DNAH5: variants seen among roughly 807,000 people sequenced by gnomAD.
The protein encoded by DNAH5 is dynein axonemal heavy chain 5.
A neutral mutation model predicts 518.2 loss-of-function variants in DNAH5; 372 were observed. The observed-to-expected ratio is 0.72, with a 90% CI of 0.66 to 0.78. The LOEUF is 0.78. DNAH5 is among the 30% of genes least tolerant of loss of function. DNAH5 has a pLI of 0.00. For missense variants in DNAH5, 5,523 were observed against 5,687.0 expected, an observed-to-expected ratio of 0.97 and a Z score of 0.93; for synonymous variants, 2,039 against 2,025.9, an observed-to-expected ratio of 1.01 and a Z score of -0.17.
chr5:13,703,035 C>T (rs866886006), intron 76 of DNAH5, among the ~76,000 whole-genome samples: 1 of 152,152 alleles, frequency 6.6e-6, no homozygotes, highest in Non-Finnish European at 1.5e-5. Flanking sequence ...CCTCCCAAGC[C>T]TTTCCACTCT....
At chr5:13,840,011 A>T (rs979084487) in intron 34 of DNAH5, among the ~76,000 whole-genome samples, 2 of 152,230 alleles carry the variant, frequency 1.3e-5, no homozygotes, top group Non-Finnish European at 2.9e-5. Flanking sequence ...AAAATTTCTA[A>T]CATCTAAATG....
rs1301002287 is a variant in DNAH5 at position 13,753,485 on chromosome 5, A to T, written c.10620T>A (p.Asp3540Glu). 1 of 1,614,096 alleles carries T rather than the reference A, an allele frequency of 6.2e-7. No individual in the cohort carries two copies. The highest frequency in any genetic ancestry group is 2.2e-5 in the East Asian group (1 of 44,872). Residue 3540 changes from aspartate (D) to glutamate (E), a missense_variant, in exon 63 of 79, where the codon GAT (aspartate) becomes GAA (glutamate). This residue lies in a region of DNAH5 where 5,121 missense variants were observed against 5,223.3 expected (regional missense o/e 0.98). Transcript: ENST00000265104. ...YSGPFNQEFR[D>E]LLLNDWRKEM... The stretch of plus-strand genomic sequence containing the variant: ...CCTTCCGCCAGTCATTTAACAGAAG[A>T]TCACGAAACTCTTGGTTAAATGGAC...
rs1034309436 is a variant in DNAH5 at position 13,788,616 on chromosome 5, T to C, written c.8647+100A>G. On this transcript the variant is annotated intron_variant, in intron 51 of 78. Coordinates refer to ENST00000265104, the MANE Select transcript of DNAH5 (RefSeq NM_001369.3). ...TCAGGCTTGTATCAATAAAGTTTACTAGAAAGAAACTCAACATCCATAAAC... is the reference window on the plus strand; with the variant it reads ...TCAGGCTTGTATCAATAAAGTTTACCAGAAAGAAACTCAACATCCATAAAC... 5 of 1,011,866 alleles carry C rather than the reference T, an allele frequency of 4.9e-6. No individual in the cohort carries two copies. The African/African-American group carries it at 7.9e-5, about 16-fold the overall frequency. The allele number at this position is 1,011,866 out of a possible 1,614,324, so 62.7% of individuals were successfully genotyped here. A position where few individuals can be genotyped will look rare whatever the true frequency, so the allele number is the denominator to read the frequency against.
chr5:13,778,539 G>GAAAGA (rs781056550), intron 53 of DNAH5, among the ~76,000 whole-genome samples: 5 of 73,910 alleles, frequency 6.8e-5, no homozygotes, highest in African/African-American at 1.6e-4. Flanking sequence ...GAGAGAGAGA[G>GAAAGA]AAGAAAGAAA....
At chr5:13,737,537 C>T (rs757443818) in intron 65 of DNAH5, 42 bp from the exon 66 acceptor site, 1 of 1,599,856 alleles carries the variant, frequency 6.3e-7, no homozygotes, top group South Asian at 1.1e-5. Flanking sequence ...CAATTAACAA[C>T]TCTTGTTGAG....
At chr5:13,841,936 A>AAAAAAAAAAAAAAAAAAAAAAAG in intron 32 of DNAH5, 32 bp from the exon 33 acceptor site, 1 of 1,072,908 alleles carries the variant, frequency 9.3e-7, no homozygotes, top group Non-Finnish European at 1.4e-6. Flanking sequence ...AAAAAAAAAA[A>AAAAAAAAAAAAAAAAAAAAAAAG]AGCTATAGTC....
rs1757360440 is a variant in DNAH5, at chr5:13,793,624, G to C, written c.8115C>G (p.Ala2705=). ...TSIVDIQFLA[A]MIHPGGGRND... is the part of the protein sequence containing the mutation. ...TGCGTCCACCACCAGGATGGATCAT[G>C]GCTGCCAAAAACTGGATGTCCACGA... The change falls in exon 49 of 79, where the codon GCC becomes GCG. Residue 2705 remains alanine (A), a synonymous_variant. Transcript: ENST00000265104. The C allele has an allele frequency of 1.2e-6, 2 of 1,614,012 alleles. No individual in the cohort carries two copies. Among genetic ancestry groups the C allele is most frequent in the Non-Finnish European group, 1.7e-6 (2 of 1,180,030 alleles).
chr5:13,708,266 T>G lies in DNAH5; in HGVS notation c.13195A>C (p.Arg4399=). 1 of 1,614,152 alleles carries G rather than the reference T, an allele frequency of 6.2e-7. No individual in the cohort carries two copies. The highest frequency in any genetic ancestry group is 8.5e-7 in the Non-Finnish European group (1 of 1,179,976). ...ACAAGGCTGAGTACCCTTTGCATTCTGTCTATTTCCTGCCTGAGGAAAATG... is the reference window on the plus strand; with the variant it reads ...ACAAGGCTGAGTACCCTTTGCATTCGGTCTATTTCCTGCCTGAGGAAAATG... ...MNIFLRQEID[R]MQRVLSLVRS... is the part of the protein sequence containing the mutation. The change falls in exon 76 of 79, where the codon AGA becomes CGA. Residue 4399 remains arginine (R), a synonymous_variant. Transcript: ENST00000265104.
rs536102071 is a variant in DNAH5, at chr5:13,916,114, T to C, written c.1197+234A>G. ...GAGCAATCTTTTTTCATTTGTATTA[T>C]ATAAATAATAAAATATTTATTATAA... On this transcript the variant is annotated intron_variant, in intron 9 of 78. Transcript: ENST00000265104. Among the ~76,000 whole-genome samples the C allele has an allele frequency of 7.2e-5, 11 of 151,764 alleles. No individual in the cohort carries two copies. In the East Asian group the frequency reaches 2.1e-3, roughly 29 times the overall value.
intron 1 of DNAH5, among the ~76,000 whole-genome samples, chr5:13,954,520 T>C (rs1464161630): frequency 6.6e-6 from 1 of 152,172 alleles, no homozygotes. Flanking sequence ...GAAGGAAAAA[T>C]GTAAAAGCTT....
rs1221227195 is a variant in DNAH5, at chr5:13,830,758, G to A, written c.5900C>T (p.Ala1967Val). Reference sequence around the variant, plus strand: ...CCCCATGCTCATTCCCAGAGCTTGAGCCAGCGTGATGTAACATCTGCATGG... The same window carrying A: ...CCCCATGCTCATTCCCAGAGCTTGAACCAGCGTGATGTAACATCTGCATGG... Reference protein sequence around the residue: ...PLTDRCYITLAQALGMSMGGA... With the variant: ...PLTDRCYITLVQALGMSMGGA... The change falls in exon 36 of 79, where the codon GCT becomes GTT. Residue 1967 changes from alanine to valine, a missense_variant. By Grantham distance (64) the Ala-to-Val change is moderately conservative. This residue lies in a region of DNAH5 where 5,121 missense variants were observed against 5,223.3 expected (regional missense o/e 0.98). Coordinates refer to ENST00000265104, the MANE Select transcript of DNAH5 (RefSeq NM_001369.3). 6.2e-7 allele frequency: 1 copy of A among 1,614,160 alleles called. No homozygotes were observed. The highest frequency in any genetic ancestry group is 2.2e-5 in the East Asian group (1 of 44,888).
intron 2 of DNAH5, among the ~76,000 whole-genome samples, chr5:13,930,499 T>C (rs1003374878): frequency 1.3e-5 from 2 of 152,178 alleles, no homozygotes; most frequent in Non-Finnish European, 2.9e-5. Flanking sequence ...AATGTCTAAT[T>C]AGTTTCTTTA....
chr5:13,924,598 C>T lies in DNAH5; in HGVS notation c.278-1158G>A, dbSNP rs1054544330. ...GCTGAGGCAGGAGAATCGCTTGAAC[C>T]CAGGAGATGGAGGTTGTGGTCAGCC... On this transcript the variant is annotated intron_variant, in intron 3 of 78. Transcript: ENST00000265104. 2.0e-5 allele frequency among the ~76,000 whole-genome samples: 3 copies of T among 151,746 alleles called. No individual in the cohort carries two copies. In the South Asian group the frequency reaches 6.3e-4, roughly 32 times the overall value.
At chr5:13,830,898 T>C (rs974130872) in intron 35 of DNAH5, 123 bp from the exon 36 acceptor site, 25 of 887,170 alleles carry the variant, frequency 2.8e-5, no homozygotes, top group Non-Finnish European at 4.2e-5. Flanking sequence ...CTACCTAACA[T>C]TTCGAATACA....
chr5:13,841,918 C>CAAAAAAAAAAAAAAAAAAAGAAAAAAACA lies in DNAH5; in HGVS notation c.5272-15_5272-14insTGTTTTTTTCTTTTTTTTTTTTTTTTTTT. On this transcript the variant is annotated splice_polypyrimidine_tract_variant and intron_variant, in intron 32 of 78. Transcript: ENST00000265104. ...TCGATCATAGATCTATGTTAGAAAC[C>CAAAAAAAAAAAAAAAAAAAGAAAAAAACA]AAAAAAAAAAAAAAAAAAAGCTATA... The CAAAAAAAAAAAAAAAAAAAGAAAAAAACA allele has an allele frequency of 2.0e-6, 1 of 504,452 alleles. No individual in the cohort carries two copies. The highest frequency in any genetic ancestry group is 3.2e-6 in the Non-Finnish European group (1 of 316,362). 31.2% of individuals were successfully genotyped at this position (504,452 alleles called of 1,614,324 possible). A position where few individuals can be genotyped will look rare whatever the true frequency, so the allele number is the denominator to read the frequency against.
chr5:13,738,817 T>C (rs1237018399), intron 65 of DNAH5, among the ~76,000 whole-genome samples: 2 of 152,054 alleles, frequency 1.3e-5, no homozygotes, highest in Non-Finnish European at 2.9e-5. Flanking sequence ...TCTGTGATGC[T>C]AAAGAAAAGA....
chr5:13,932,592 A>G (rs1778528372), intron 1 of DNAH5: 1 of 152,270 alleles, frequency 6.6e-6, no homozygotes, highest in Non-Finnish European at 1.5e-5. Context: ...ACCACATTAC[A>G]AAGTTTAACT....
chr5:13,769,028 T>G lies in DNAH5; in HGVS notation c.9829A>C (p.Lys3277Gln). Reference sequence around the variant, plus strand: ...TCCAGTTTTTCTTCAGCAATGGCTTTGTCTTTAGAGATGCTGTCCACAATG... The same window carrying G: ...TCCAGTTTTTCTTCAGCAATGGCTTGGTCTTTAGAGATGCTGTCCACAATG... ...QAIVDSISKD[K>Q]AIAEEKLEAA... The change falls in exon 58 of 79, where the codon AAA becomes CAA. Residue 3277 changes from lysine (K) to glutamine (Q), a missense_variant. By Grantham distance (53) the Lys-to-Gln change is moderately conservative (BLOSUM62 1). Transcript: ENST00000265104. 2 of 1,614,240 alleles carry G rather than the reference T, an allele frequency of 1.2e-6. No individual in the cohort carries two copies. The highest frequency in any genetic ancestry group is 1.7e-6 in the Non-Finnish European group (2 of 1,180,020).
chr5:13,820,843 A>AC (rs1354316379), intron 40 of DNAH5, among the ~76,000 whole-genome samples: 1 of 151,002 alleles, frequency 6.6e-6, no homozygotes, highest in Non-Finnish European at 1.5e-5. Flanking sequence ...AAAAAAAAAA[A>AC]ACACATCAAT....
Sources: allele counts gnomAD v4.1 joint callset (sites outside exome capture counted in the v4.1 genomes callset), GRCh38; gene constraint gnomAD v4.1.1; regional missense constraint gnomAD v4.1.1; transcripts MANE v1.5; gene names NCBI Gene and HGNC (gene_info 2026-07-23, HGNC 2026-07-21).